Variants in TAB2 observed in about 807,000 individuals in gnomAD.
TAB2 encodes the protein TGF-beta activated kinase 1 (MAP3K7) binding protein 2.
TAB2 carries 3 observed loss-of-function variants against 65.0 expected under a neutral mutation model. That is an observed-to-expected ratio of 0.05 (90% CI 0.02 to 0.12). The LOEUF (loss-of-function observed/expected upper bound fraction) is 0.12, where lower values mean the gene tolerates loss of function less well. Ranked by LOEUF, TAB2 falls within the 10% of genes least tolerant of loss-of-function variation. The pLI is 1.00. For synonymous variants in TAB2, 298 were observed against 285.1 expected (o/e 1.05, Z -0.46); for missense variants, 623 against 840.3 (o/e 0.74, Z 3.20).
chr6:149,263,430 T>C (rs562681015), intron 1 of TAB2, among the ~76,000 whole-genome samples: 146 of 152,350 alleles, frequency 9.6e-4, no homozygotes, highest in African/African-American at 3.4e-3. Flanking sequence ...CAGCCTGCTC[T>C]GCACAAAACA....
At position 149,411,596 on chromosome 6, in the gene TAB2, CTT is replaced by C. The variant is rs1048478195; in HGVS notation, c.*1878_*1879del. On this transcript the variant is annotated 3_prime_UTR_variant, in exon 7 of 7. Coordinates refer to ENST00000637181, the MANE Select transcript of TAB2 (RefSeq NM_001292034.3). ...TAAGTTATTTATAAAAATTAAAAAA[CTT>C]ATATTCTAATGTGGATTTTGTGACT... The C allele has an allele frequency of 1.6e-4, 25 of 153,660 alleles. No individual in the cohort carries two copies. Among genetic ancestry groups the C allele is most frequent in the South Asian group, 4.1e-4 (2 of 4,830 alleles). The allele number at this position is 153,660 out of a possible 1,614,324, so 9.5% of individuals were successfully genotyped here. A position where few individuals can be genotyped will look rare whatever the true frequency, so the allele number is the denominator to read the frequency against.
chr6:149,409,447 G>C (rs1335151700), intron 6 of TAB2, 130 bp from the exon 7 acceptor site: 1 of 779,232 alleles, frequency 1.3e-6, no homozygotes, highest in Non-Finnish European at 2.2e-6. Context: ...GTGTGTCAGT[G>C]TCAGCTAGAT....
rs2114984012 is a variant in TAB2, at chr6:149,411,443, A to C, written c.*1724A>C. The C allele has an allele frequency of 6.5e-6, 1 of 152,808 alleles. No homozygotes were observed. The highest frequency in any genetic ancestry group is 2.1e-4 in the South Asian group (1 of 4,830). The allele number at this position is 152,808 out of a possible 1,614,324, so 9.5% of individuals were successfully genotyped here. A position where few individuals can be genotyped will look rare whatever the true frequency, so the allele number is the denominator to read the frequency against. ...ATTTTTAAAATAGGCCTTGTTTTTC[A>C]GCTTCATCTGCAGTTCTATGTGAAG... On this transcript the variant is annotated 3_prime_UTR_variant, in exon 7 of 7. Transcript: ENST00000637181.
chr6:149,306,510 A>G (rs1014963127), intron 1 of TAB2, among the ~76,000 whole-genome samples: 3 of 151,014 alleles, frequency 2.0e-5, no homozygotes, highest in Non-Finnish European at 3.0e-5. Context: ...GTGAGCCAAG[A>G]TCGCGCCACT....
intron 1 of TAB2, among the ~76,000 whole-genome samples, chr6:149,352,310 G>A (rs900533360): frequency 6.6e-6 from 1 of 151,930 alleles, no homozygotes; most frequent in African/African-American, 2.4e-5. Flanking sequence ...TGTGTTTATT[G>A]TACATCTACA....
At chr6:149,409,170 C>T (rs183379576) in intron 6 of TAB2, among the ~76,000 whole-genome samples, 6 of 152,130 alleles carry the variant, frequency 3.9e-5, no homozygotes, top group Non-Finnish European at 5.9e-5. Context: ...TGGTAGAAAA[C>T]GAATATAAAT....
intron 1 of TAB2, among the ~76,000 whole-genome samples, chr6:149,355,784 C>T (rs956054117): frequency 6.6e-6 from 1 of 151,996 alleles, no homozygotes; most frequent in Non-Finnish European, 1.5e-5. Context: ...CACTGTTTAC[C>T]TGTGTGCTTC....
At chr6:149,235,042 C>T (rs979042914) in intron 1 of TAB2, among the ~76,000 whole-genome samples, 1 of 152,172 alleles carries the variant, frequency 6.6e-6, no homozygotes, top group African/African-American at 2.4e-5. Context: ...ATTAGAAAGC[C>T]AGGAGGTTTA....
intron 3 of TAB2, among the ~76,000 whole-genome samples, chr6:149,386,517 A>G (rs1781815245): frequency 6.6e-6 from 1 of 152,124 alleles, no homozygotes. Flanking sequence ...AAATTTACAT[A>G]TTCTGGACAC....
At chr6:149,374,339 C>T (rs1471044526) in intron 2 of TAB2, among the ~76,000 whole-genome samples, 2 of 152,272 alleles carry the variant, frequency 1.3e-5, no homozygotes, top group African/African-American at 2.4e-5. Context: ...GCTACTTCAG[C>T]CTTCTGAGTA....
chr6:149,320,569 G>A (rs1484021448), intron 1 of TAB2, among the ~76,000 whole-genome samples: 1 of 152,130 alleles, frequency 6.6e-6, no homozygotes, highest in East Asian at 1.9e-4. Flanking sequence ...ATGTGTATCT[G>A]TGAACCTACT....
chr6:149,398,115 G>A (rs1782237883), intron 5 of TAB2, 53 bp downstream of exon 5: 1 of 1,468,976 alleles, frequency 6.8e-7, no homozygotes, highest in Admixed American at 1.7e-5. Flanking sequence ...TTCACCAGCA[G>A]TTTTTCTGTG....
At chr6:149,252,354 C>T (rs1777879242) in intron 1 of TAB2, among the ~76,000 whole-genome samples, 2 of 149,416 alleles carry the variant, frequency 1.3e-5, no homozygotes, top group Admixed American at 1.3e-4. Flanking sequence ...GAGCTGAGAT[C>T]ACGCCATTGC....
chr6:149,304,964 ATTAT>A (rs1779035698), intron 1 of TAB2, among the ~76,000 whole-genome samples: 1 of 152,064 alleles, frequency 6.6e-6, no homozygotes, highest in African/African-American at 2.4e-5. Context: ...TCATCTCTAG[ATTAT>A]TTATAATCTA....
chr6:149,384,956 G>GA (rs894501117), intron 3 of TAB2, among the ~76,000 whole-genome samples: 4 of 151,732 alleles, frequency 2.6e-5, no homozygotes, highest in Non-Finnish European at 5.9e-5. Context: ...ATTATTTAAA[G>GA]AAAAAAAATT....
At chr6:149,409,519 G>A (rs1782773399) in intron 6 of TAB2, 58 bp from the exon 7 acceptor site, 2 of 1,535,674 alleles carry the variant, frequency 1.3e-6, no homozygotes, top group Non-Finnish European at 1.8e-6. Context: ...AAAGTTGCCT[G>A]TAATTTTTTA....
intron 2 of TAB2, among the ~76,000 whole-genome samples, chr6:149,377,130 C>A (rs1266891678): frequency 6.8e-6 from 1 of 147,790 alleles, no homozygotes; most frequent in Non-Finnish European, 1.5e-5. Context: ...AGTGCAGTGG[C>A]GCAGTCTCGG....
chr6:149,316,199 C>A (rs772733605), upstream of TAB2, among the ~76,000 whole-genome samples: 2 of 152,198 alleles, frequency 1.3e-5, no homozygotes, highest in Non-Finnish European at 2.9e-5. Flanking sequence ...TTTTGCTTCT[C>A]TTAATGGTAT....
intron 1 of TAB2, among the ~76,000 whole-genome samples, chr6:149,297,584 G>C (rs1778900020): frequency 6.6e-6 from 1 of 152,128 alleles, no homozygotes. Flanking sequence ...AAGTGCAGTG[G>C]CATGATCATA....
Sources: allele counts gnomAD v4.1 joint callset (sites outside exome capture counted in the v4.1 genomes callset), GRCh38; gene constraint gnomAD v4.1.1; transcripts MANE v1.5; gene names NCBI Gene and HGNC (gene_info 2026-07-23, HGNC 2026-07-21).